Variants in LPP observed in about 807,000 individuals in gnomAD.
LPP encodes the protein LIM domain containing preferred translocation partner in lipoma.
In LPP, 38 loss-of-function variants were observed where a neutral mutation model predicts 60.4. The ratio of observed to expected loss-of-function variants is 0.63; its 90% CI spans 0.49 to 0.83. LPP has a LOEUF of 0.83. Among genes scored for constraint, LPP ranks in the 40% least tolerant of loss-of-function variants. The pLI is 0.00. For synonymous variants in LPP, 328 were observed against 290.8 expected (o/e 1.13, Z -1.30); for missense variants, 902 against 783.6 (o/e 1.15, Z -1.80).
intron 2 of LPP, among the ~76,000 whole-genome samples, chr3:188,226,690 T>C (rs73057638): frequency 0.025 from 3,800 of 152,316 alleles, 162 homozygotes; most frequent in African/African-American, 0.084. Flanking sequence ...GCCCCCAGCA[T>C]TGGCTTTGTA....
intron 9 of LPP, among the ~76,000 whole-genome samples, chr3:188,808,822 T>C (rs978344180): frequency 6.6e-6 from 1 of 152,150 alleles, no homozygotes; most frequent in African/African-American, 2.4e-5. Context: ...CCTGATGGTC[T>C]CCCTCCCTTT....
rs11380757 is a variant in LPP at position 188,273,589 on chromosome 3, CTTTTTTTT to C, written c.-67+48078_-67+48085del. On this transcript the variant is annotated intron_variant, in intron 2 of 11. Transcript: ENST00000617246. ...CCACCTTGACTTGGCTATTTTATATCTTTTTTTTTTTTTTTTTTTTTTTGAGACGGAGT... is the reference window on the plus strand; with the variant it reads ...CCACCTTGACTTGGCTATTTTATATCTTTTTTTTTTTTTTTGAGACGGAGT... Among the ~76,000 whole-genome samples, 76 of 80,440 alleles carry C rather than the reference CTTTTTTTT, an allele frequency of 9.4e-4. 2 individuals are homozygous for C. The highest frequency in any genetic ancestry group is 1.4e-3 in the Non-Finnish European group (64 of 45,172). The allele number at this position is 80,440 out of a possible 152,430, so 52.8% of individuals were successfully genotyped here.
Position 188,484,648 on chromosome 3 carries a change from A to C in LPP, c.250A>C (p.Ile84Leu). 1.2e-6 allele frequency: 2 copies of C among 1,613,920 alleles called. No individual in the cohort carries two copies. The highest frequency in any genetic ancestry group is 1.7e-6 in the Non-Finnish European group (2 of 1,179,964). The change falls in exon 5 of 12, where the codon ATC (isoleucine) becomes CTC (leucine). Residue 84 changes from isoleucine (I) to leucine (L), a missense_variant. By Grantham distance (5) the Ile-to-Leu change is conservative. Transcript: ENST00000617246. The part of the protein sequence containing the change: ...PLDDSSALPS[I>L]SGNFPPPPPL... ...AGATGATTCCAGTGCCCTTCCATCT[A>C]TCTCTGGAAACTTTCCTCCTCCACC...
chr3:188,595,369 G>A (rs143228616), intron 6 of LPP, among the ~76,000 whole-genome samples: 170 of 152,234 alleles, frequency 1.1e-3, no homozygotes, highest in Non-Finnish European at 1.7e-3. Context: ...AGTTTCACTG[G>A]AGGAATAAGA....
chr3:188,510,875 TTCTC>T (rs1308407268), intron 5 of LPP, among the ~76,000 whole-genome samples: 3 of 151,884 alleles, frequency 2.0e-5, no homozygotes, highest in South Asian at 2.1e-4. Context: ...TTCAGCTACT[TTCTC>T]TCTTTCCTCT....
chr3:188,375,769 G>C (rs1774875782), intron 3 of LPP, among the ~76,000 whole-genome samples: 1 of 152,080 alleles, frequency 6.6e-6, no homozygotes, highest in Admixed American at 6.5e-5. Flanking sequence ...GTTTGCTCTT[G>C]CTTTTCTAGT....
intron 7 of LPP, among the ~76,000 whole-genome samples, chr3:188,705,761 C>T (rs182457277): frequency 5.3e-4 from 80 of 152,050 alleles, no homozygotes; most frequent in African/African-American, 1.9e-3. Context: ...GGATTACAGG[C>T]GTGCATTATC....
chr3:188,473,152 T>C (rs576898158), intron 4 of LPP, among the ~76,000 whole-genome samples: 2 of 152,306 alleles, frequency 1.3e-5, no homozygotes, highest in South Asian at 2.1e-4. Flanking sequence ...TCTGAAATAA[T>C]TTGAGACCCT....
At chr3:188,270,084 C>T (rs889588079) in intron 2 of LPP, among the ~76,000 whole-genome samples, 2 of 151,896 alleles carry the variant, frequency 1.3e-5, no homozygotes, top group Non-Finnish European at 2.9e-5. Flanking sequence ...AATAGAAAAT[C>T]AGAGTATAGT....
chr3:188,508,295 C>T (rs545564313), intron 5 of LPP, among the ~76,000 whole-genome samples: 15 of 152,172 alleles, frequency 9.9e-5, no homozygotes, highest in Non-Finnish European at 2.1e-4. Flanking sequence ...ATGGAAGAAT[C>T]CTTTGGAAAA....
rs1197314473 is a variant in LPP at position 188,573,120 on chromosome 3, C to A, written c.430-36041C>A. Among the ~76,000 whole-genome samples the A allele has an allele frequency of 3.3e-5, 5 of 151,958 alleles. No homozygotes were observed. In the East Asian group the frequency reaches 9.7e-4, roughly 29 times the overall value. Reference sequence around the variant, plus strand: ...TTAGTACCAGGCACTGTTGTAAGTGCTTTAGATGGGTAGAGTCCTTTAGTA... The same window carrying A: ...TTAGTACCAGGCACTGTTGTAAGTGATTTAGATGGGTAGAGTCCTTTAGTA... On this transcript the variant is annotated intron_variant, in intron 6 of 11. Coordinates refer to ENST00000617246, the MANE Select transcript of LPP (RefSeq NM_001375462.1).
rs148492606 is a variant in LPP at position 188,884,670 on chromosome 3, A to G, written c.*10191A>G. 1.7e-5 allele frequency: 4 copies of G among 228,950 alleles called. No homozygotes were observed. Among genetic ancestry groups the G allele is most frequent in the Non-Finnish European group, 2.6e-5 (3 of 115,302 alleles). The allele number at this position is 228,950 out of a possible 1,614,324, so 14.2% of individuals were successfully genotyped here. A position where few individuals can be genotyped will look rare whatever the true frequency, so the allele number is the denominator to read the frequency against. On this transcript the variant is annotated 3_prime_UTR_variant, in exon 12 of 12. Transcript: ENST00000617246. ...ATCAACCAAGACCATATCATTTAGA[A>G]TTCATTGGCATGTAGAGGTGACTCG...
chr3:188,879,496 TAA>T lies in LPP; in HGVS notation c.*5018_*5019del. On this transcript the variant is annotated 3_prime_UTR_variant, in exon 12 of 12. Coordinates refer to ENST00000617246, the MANE Select transcript of LPP (RefSeq NM_001375462.1). ...TATTTATTCGTAAAGTGAAATGAGA[TAA>T]TAGAGTCTTTCTGTTTCATGTTAAT... 1 of 201,208 alleles carries T rather than the reference TAA, an allele frequency of 5.0e-6. No homozygotes were observed. 12.5% of individuals were successfully genotyped at this position (201,208 alleles called of 1,614,324 possible). A position where few individuals can be genotyped will look rare whatever the true frequency, so the allele number is the denominator to read the frequency against.
At chr3:188,622,294 A>G (rs1045825327) in intron 7 of LPP, among the ~76,000 whole-genome samples, 1 of 152,096 alleles carries the variant, frequency 6.6e-6, no homozygotes, top group African/African-American at 2.4e-5. Context: ...GTGCCTTGAC[A>G]TGACTTACCC....
At chr3:188,443,899 C>T (rs1269376696) in intron 4 of LPP, among the ~76,000 whole-genome samples, 2 of 152,160 alleles carry the variant, frequency 1.3e-5, no homozygotes, top group Non-Finnish European at 2.9e-5. Flanking sequence ...GGAAATGGTA[C>T]ACACTAGCTC....
chr3:188,723,265 T>C (rs1162628581), intron 8 of LPP, among the ~76,000 whole-genome samples: 1 of 152,154 alleles, frequency 6.6e-6, no homozygotes, highest in Non-Finnish European at 1.5e-5. Context: ...ATAATCAATA[T>C]AGAGTGTTTT....
chr3:188,802,838 T>C (rs1747719551), intron 9 of LPP, among the ~76,000 whole-genome samples: 1 of 151,974 alleles, frequency 6.6e-6, no homozygotes, highest in Non-Finnish European at 1.5e-5. Context: ...AATTTACATA[T>C]CATAAAAGTA....
chr3:188,349,240 A>C (rs373139287), intron 3 of LPP, among the ~76,000 whole-genome samples: 16 of 152,196 alleles, frequency 1.1e-4, no homozygotes, highest in African/African-American at 3.9e-4. Context: ...CTGCAGCTTA[A>C]TCAGTTATTT....
intron 1 of LPP, among the ~76,000 whole-genome samples, chr3:188,168,942 T>G (rs1030645563): frequency 5.3e-5 from 8 of 152,236 alleles, no homozygotes; most frequent in Non-Finnish European, 7.3e-5. Flanking sequence ...GTCTTGTTTA[T>G]CCCCATCAGT....
Sources: gnomAD v4.1 joint callset for allele counts (sites outside exome capture counted in the v4.1 genomes callset) on GRCh38, gnomAD v4.1.1 for gene constraint, MANE v1.5 for transcripts, NCBI Gene and HGNC (gene_info 2026-07-23, HGNC 2026-07-21) for gene names.